Variants in DDI2 observed in about 807,000 individuals in gnomAD.
DDI2 encodes DDI proteasomal shuttling factor 2.
A neutral mutation model predicts 48.1 loss-of-function variants in DDI2; 5 were observed. The observed-to-expected ratio is 0.10, with a 90% CI of 0.05 to 0.22. The LOEUF (loss-of-function observed/expected upper bound fraction) is 0.22. Ranked by LOEUF, DDI2 falls within the 10% of genes least tolerant of loss-of-function variation. The pLI is 1.00. For missense variants in DDI2, 285 were observed against 506.2 expected (o/e 0.56, Z 4.19); for synonymous variants, 205 against 183.6 (o/e 1.12, Z -0.94).
chr1:15,641,417 G>A (rs751585944), intron 5 of DDI2, among the ~76,000 whole-genome samples: 79 of 151,576 alleles, frequency 5.2e-4, no homozygotes, highest in Non-Finnish European at 9.4e-4. Flanking sequence ...GATTGCAGTG[G>A]GCTGAGATCA....
At chr1:15,645,428 T>C (rs1640075763) in intron 6 of DDI2, among the ~76,000 whole-genome samples, 1 of 152,250 alleles carries the variant, frequency 6.6e-6, no homozygotes, top group Admixed American at 6.5e-5. Flanking sequence ...CCTGGACTTG[T>C]CCTCTAGTTT....
At chr1:15,629,353 T>C (rs1054294396) in intron 2 of DDI2, among the ~76,000 whole-genome samples, 3 of 152,128 alleles carry the variant, frequency 2.0e-5, no homozygotes, top group East Asian at 3.9e-4. Flanking sequence ...CCCAGCACTT[T>C]GGGAGGCTGA....
rs974976869 is a variant in DDI2, at chr1:15,664,617, A to G, written c.*4827A>G. 5 of 152,148 alleles carry G rather than the reference A, an allele frequency of 3.3e-5. No individual in the cohort carries two copies. The highest frequency in any genetic ancestry group is 9.7e-5 in the African/African-American group (4 of 41,416). 9.4% of individuals were successfully genotyped at this position (152,148 alleles called of 1,614,324 possible). On this transcript the variant is annotated 3_prime_UTR_variant, in exon 10 of 10. Transcript: ENST00000480945. The stretch of plus-strand genomic sequence containing the variant: ...GGTTAACTTCTAAGAATACCATCAA[A>G]TCCCTGTGAATTCTGGTTGCCAACA...
intron 1 of DDI2, among the ~76,000 whole-genome samples, chr1:15,624,462 TTTTG>T (rs2103461729): frequency 6.6e-6 from 1 of 152,146 alleles, no homozygotes; most frequent in Non-Finnish European, 1.5e-5. Flanking sequence ...GTGGTTCTTT[TTTTG>T]TTTGTTTTTG....
At position 15,660,802 on chromosome 1, in the gene DDI2, C is replaced by T; in HGVS notation, c.*1012C>T. 2 of 1,614,050 alleles carry T rather than the reference C, an allele frequency of 1.2e-6. No individual in the cohort carries two copies. Among genetic ancestry groups the T allele is most frequent in the Non-Finnish European group, 1.7e-6 (2 of 1,180,012 alleles). ...TTCCATTTCCACTCAGGATTTACAG[C>T]CCCCAGAAACTAATGTTGAAATACC... On this transcript the variant is annotated 3_prime_UTR_variant, in exon 10 of 10. Transcript: ENST00000480945.
chr1:15,633,806 C>T (rs1181473801), intron 4 of DDI2: 1 of 518,648 alleles, frequency 1.9e-6, no homozygotes, highest in Non-Finnish European at 3.6e-6. Flanking sequence ...AGGAGGACTC[C>T]CTGACTAGCA....
intron 8 of DDI2, among the ~76,000 whole-genome samples, chr1:15,653,274 T>TTA (rs1640221308): frequency 5.7e-5 from 8 of 141,302 alleles, no homozygotes; most frequent in Admixed American, 6.9e-5. Flanking sequence ...TTTTATTTAT[T>TTA]TTATTTTATT....
At chr1:15,628,141 G>A (rs1639787061) in intron 2 of DDI2, among the ~76,000 whole-genome samples, 1 of 151,960 alleles carries the variant, frequency 6.6e-6, no homozygotes, top group Non-Finnish European at 1.5e-5. Flanking sequence ...GGTCTATTAA[G>A]TAAACATGTT....
intron 6 of DDI2, among the ~76,000 whole-genome samples, chr1:15,647,881 T>G (rs750193523): frequency 4.6e-5 from 7 of 152,166 alleles, no homozygotes; most frequent in Non-Finnish European, 5.9e-5. Flanking sequence ...AGAGGATCAC[T>G]TGAACCCGGG....
chr1:15,644,587 GTTTT>G (rs138470671), intron 6 of DDI2, among the ~76,000 whole-genome samples: 43 of 57,802 alleles, frequency 7.4e-4, no homozygotes, highest in African/African-American at 3.3e-3. Flanking sequence ...AGTTTTTTTT[GTTTT>G]TTTTTTTTTT....
At chr1:15,635,650 C>T (rs184785321) in intron 4 of DDI2, among the ~76,000 whole-genome samples, 382 of 152,288 alleles carry the variant, frequency 2.5e-3, no homozygotes, top group African/African-American at 8.8e-3. Flanking sequence ...GGTGATCCAC[C>T]CTCCTCATCC....
In DDI2 at chr1:15,641,955, CAAAA is replaced by C. The variant is rs57716922; in HGVS notation, c.761-1549_761-1546del. Among the ~76,000 whole-genome samples, 303 of 79,354 alleles carry C rather than the reference CAAAA, an allele frequency of 3.8e-3. 1 individual carries two copies. Among genetic ancestry groups the C allele is most frequent in the Non-Finnish European group, 2.7e-3 (101 of 37,606 alleles). 52.1% of individuals were successfully genotyped at this position (79,354 alleles called of 152,430 possible). A position where few individuals can be genotyped will look rare whatever the true frequency, so the allele number is the denominator to read the frequency against. Reference sequence around the variant, plus strand: ...GGGCAACAAGAGTGAAATTCAGTCTCAAAAAAAAAAAAAAAAAAAAAGGAGAAGA... The same window carrying C: ...GGGCAACAAGAGTGAAATTCAGTCTCAAAAAAAAAAAAAAAAAGGAGAAGA... On this transcript the variant is annotated intron_variant, in intron 5 of 9. Coordinates refer to ENST00000480945, the MANE Select transcript of DDI2 (RefSeq NM_032341.5).
At chr1:15,636,982 A>G (rs1321594996) in intron 4 of DDI2, among the ~76,000 whole-genome samples, 1 of 152,230 alleles carries the variant, frequency 6.6e-6, no homozygotes, top group Non-Finnish European at 1.5e-5. Flanking sequence ...AGGTTATCCC[A>G]AATCTTAGAA....
chr1:15,635,672 T>C (rs1380373857), intron 4 of DDI2, among the ~76,000 whole-genome samples: 1 of 152,178 alleles, frequency 6.6e-6, no homozygotes, highest in Non-Finnish European at 1.5e-5. Flanking sequence ...CCCAAAGGGC[T>C]GGGATTACAG....
At chr1:15,622,215 T>TTTTTTTA (rs1639677006) in intron 1 of DDI2, among the ~76,000 whole-genome samples, 11 of 151,216 alleles carry the variant, frequency 7.3e-5, no homozygotes, top group South Asian at 2.1e-4. Context: ...TTTTTTTTTT[T>TTTTTTTA]GAGACGAGGT....
chr1:15,644,829 G>A (rs1295685671), intron 6 of DDI2, among the ~76,000 whole-genome samples: 2 of 151,670 alleles, frequency 1.3e-5, no homozygotes, highest in East Asian at 1.9e-4. Flanking sequence ...TCCTGACCTC[G>A]TGATCCGCCC....
rs1557625256 is a variant in DDI2, at chr1:15,660,020, A to T, written c.*230A>T. The T allele has an allele frequency of 6.2e-7, 1 of 1,614,126 alleles. No homozygotes were observed. The highest frequency in any genetic ancestry group is 1.6e-4 in the Middle Eastern group (1 of 6,062). ...AGTGACTCAGATCGCATTGAACCTA[A>T]AGCTGTGAAGGCTTTGAAGGCTTCA... On this transcript the variant is annotated 3_prime_UTR_variant, in exon 10 of 10. Transcript: ENST00000480945.
intron 4 of DDI2, among the ~76,000 whole-genome samples, chr1:15,637,338 G>C (rs1430929157): frequency 2.0e-5 from 3 of 152,070 alleles, no homozygotes; most frequent in Non-Finnish European, 4.4e-5. Flanking sequence ...TCCAAAGAAA[G>C]TGCTGGGACT....
intron 1 of DDI2, among the ~76,000 whole-genome samples, chr1:15,620,368 A>G (rs1639638662): frequency 6.6e-6 from 1 of 152,148 alleles, no homozygotes; most frequent in Non-Finnish European, 1.5e-5. Flanking sequence ...ATCAAATCAT[A>G]ATAGTAAACA....
Sources: gnomAD v4.1 joint callset for allele counts (sites outside exome capture counted in the v4.1 genomes callset) on GRCh38, gnomAD v4.1.1 for gene constraint, MANE v1.5 for transcripts, NCBI Gene and HGNC (gene_info 2026-07-23, HGNC 2026-07-21) for gene names.